Variants in SPOP observed in about 807,000 individuals in gnomAD.
SPOP encodes speckle-type POZ protein.
SPOP carries 11 observed loss-of-function variants against 45.6 expected under a neutral mutation model. The ratio of observed to expected loss-of-function variants is 0.24; its 90% CI spans 0.15 to 0.40. SPOP has a LOEUF of 0.40. Ranked by LOEUF, SPOP falls within the 10% of genes least tolerant of loss-of-function variation. The probability of loss-of-function intolerance (pLI) is 1.00; values close to 1 mark genes in which losing one functional copy is unlikely to be tolerated. For synonymous variants in SPOP, 166 were observed against 166.3 expected, an observed-to-expected ratio of 1.00 and a Z score of 0.01; for missense variants, 152 against 465.6, an observed-to-expected ratio of 0.33 and a Z score of 6.20.
intron 1 of SPOP, among the ~76,000 whole-genome samples, chr17:49,669,017 C>T (rs1237424024): frequency 6.6e-6 from 1 of 151,852 alleles, no homozygotes; most frequent in Non-Finnish European, 1.5e-5. Flanking sequence ...ACCTCGTGAT[C>T]CGCCCATCTC....
At chr17:49,618,689 T>C (rs2072143186) in intron 5 of SPOP, 1 of 467,130 alleles carries the variant, frequency 2.1e-6, no homozygotes, top group Admixed American at 3.2e-5. Flanking sequence ...TCAAATGCTA[T>C]CTGAAAAAAA....
intron 2 of SPOP, chr17:49,622,375 C>T (rs995612140): frequency 3.4e-5 from 18 of 533,014 alleles, no homozygotes; most frequent in Non-Finnish European, 5.6e-5. Context: ...ATGATAAAAC[C>T]GTACTTAAAA....
At chr17:49,622,688 A>G (rs781289280) in intron 2 of SPOP, 45 bp downstream of exon 2, 1 of 1,563,510 alleles carries the variant, frequency 6.4e-7, no homozygotes, top group Non-Finnish European at 8.8e-7. Context: ...CGTCCACCAA[A>G]TCCTCCCCAG....
intron 1 of SPOP, among the ~76,000 whole-genome samples, chr17:49,645,413 C>G (rs2072737821): frequency 6.6e-6 from 1 of 151,988 alleles, no homozygotes; most frequent in Non-Finnish European, 1.5e-5. Flanking sequence ...AATTCTCCTG[C>G]CTCAGCCTCC....
intron 1 of SPOP, among the ~76,000 whole-genome samples, chr17:49,642,951 G>A (rs1359170368): frequency 6.6e-6 from 1 of 152,204 alleles, no homozygotes; most frequent in African/African-American, 2.4e-5. Context: ...AGATCCAAAG[G>A]TTACTTTCCA....
chr17:49,643,132 T>C (rs2072690010), intron 1 of SPOP, among the ~76,000 whole-genome samples: 1 of 152,222 alleles, frequency 6.6e-6, no homozygotes, highest in Non-Finnish European at 1.5e-5. Context: ...TTAAAGATAG[T>C]TGATATATTC....
Position 49,649,793 on chromosome 17 carries a change from C to T in SPOP, c.-66-26917G>A, listed in dbSNP as rs183141118. Among the ~76,000 whole-genome samples the T allele has an allele frequency of 7.9e-5, 12 of 152,038 alleles. No homozygotes were observed. The East Asian group carries it at 2.3e-3, about 29-fold the overall frequency. On this transcript the variant is annotated intron_variant, in intron 1 of 9. Coordinates refer to ENST00000504102, the MANE Select transcript of SPOP (RefSeq NM_001007228.2). ...GCAGTGAGCCGACATTGAGCCACTG[C>T]ACTCCAGCCTGGGCGACAGAGAGAG...
chr17:49,622,674 C>T, intron 2 of SPOP, 59 bp downstream of exon 2: 1 of 1,476,198 alleles, frequency 6.8e-7, no homozygotes, highest in South Asian at 1.1e-5. Context: ...AATCCTACTC[C>T]TTTCGTCCAC....
chr17:49,674,294 T>C (rs963135553), intron 1 of SPOP, among the ~76,000 whole-genome samples: 1 of 152,222 alleles, frequency 6.6e-6, no homozygotes, highest in Non-Finnish European at 1.5e-5. Flanking sequence ...AGTTCTTCTT[T>C]AAATGTTTGG....
At chr17:49,610,265 C>A (rs1276998563) in intron 6 of SPOP, among the ~76,000 whole-genome samples, 1 of 151,526 alleles carries the variant, frequency 6.6e-6, no homozygotes, top group Non-Finnish European at 1.5e-5. Context: ...GTTGCCCAGG[C>A]TGGAGTGCAG....
rs1038251848 is a variant in SPOP at position 49,600,168 on chromosome 17, C to T, written c.*210G>A. 1.5e-5 allele frequency: 10 copies of T among 666,004 alleles called. No individual in the cohort carries two copies. Among genetic ancestry groups the T allele is most frequent in the South Asian group, 3.6e-5 (2 of 54,826 alleles). The allele number at this position is 666,004 out of a possible 1,614,324, so 41.3% of individuals were successfully genotyped here. On this transcript the variant is annotated 3_prime_UTR_variant, in exon 10 of 10. Coordinates refer to ENST00000504102, the MANE Select transcript of SPOP (RefSeq NM_001007228.2). This position sits in a 1 kb window ranked among gnomAD's most constrained non-coding sequence, Gnocchi z 4.2. ...AGCCAGGCCAAAGGGAACACAGTGACGCAGCAACAGGGTTTTCATTTCATT... is the reference window on the plus strand; with the variant it reads ...AGCCAGGCCAAAGGGAACACAGTGATGCAGCAACAGGGTTTTCATTTCATT...
In SPOP at chr17:49,603,580, T is replaced by C. The variant is rs191384571; in HGVS notation, c.838-1573A>G. ...TTGTTGTTTTTGGTCTAATTACACA[T>C]GTCCCCAGGAGACTGGAAAAGCTTA... On this transcript the variant is annotated intron_variant, in intron 8 of 9. Transcript: ENST00000504102. Among the ~76,000 whole-genome samples, 9 of 152,352 alleles carry C rather than the reference T, an allele frequency of 5.9e-5. No individual in the cohort carries two copies. The East Asian group carries it at 1.5e-3, about 26-fold the overall frequency.
At chr17:49,640,928 C>A (rs1004728541) in intron 1 of SPOP, among the ~76,000 whole-genome samples, 1 of 152,118 alleles carries the variant, frequency 6.6e-6, no homozygotes, top group Admixed American at 6.6e-5. Flanking sequence ...CTAAGACTTT[C>A]CTTGTCACCA....
At chr17:49,656,220 C>CA (rs1326788404) in intron 1 of SPOP, among the ~76,000 whole-genome samples, 2 of 152,130 alleles carry the variant, frequency 1.3e-5, no homozygotes, top group African/African-American at 4.8e-5. Context: ...ACAAAAGTTG[C>CA]AACTAGTCTA....
In SPOP at chr17:49,629,194, T is replaced by C. The variant is rs761867882; in HGVS notation, c.-66-6318A>G. On this transcript the variant is annotated intron_variant, in intron 1 of 9. Coordinates refer to ENST00000504102, the MANE Select transcript of SPOP (RefSeq NM_001007228.2). ...GAGGCAGAGGTTGCAGAGAGCCGAG[T>C]TGGTGCCACTGCACTCCAGCCTGCA... is the stretch of plus-strand genomic sequence containing the variant. 1.3e-4 allele frequency among the ~76,000 whole-genome samples: 19 copies of C among 151,910 alleles called. 1 individual carries two copies. Among genetic ancestry groups the C allele is most frequent in the Non-Finnish European group, 2.4e-4 (16 of 67,972 alleles).
At chr17:49,659,386 G>A (rs896118370) in intron 1 of SPOP, among the ~76,000 whole-genome samples, 2 of 152,080 alleles carry the variant, frequency 1.3e-5, no homozygotes, top group African/African-American at 2.4e-5. Context: ...CAGCTCCTCC[G>A]ACAGCTTCGT....
intron 6 of SPOP, among the ~76,000 whole-genome samples, chr17:49,609,158 C>G (rs2071915002): frequency 6.6e-6 from 1 of 152,132 alleles, no homozygotes; most frequent in Non-Finnish European, 1.5e-5. Context: ...ATCTGCACAC[C>G]TATGCCTCCC....
At chr17:49,610,926 T>C (rs1441585923) in intron 6 of SPOP, among the ~76,000 whole-genome samples, 6 of 152,170 alleles carry the variant, frequency 3.9e-5, no homozygotes, top group Non-Finnish European at 1.5e-5. Flanking sequence ...GTCCTGAGTA[T>C]AGAATCCTCT....
In SPOP at chr17:49,619,987, C is replaced by T. The variant is rs530292073; in HGVS notation, c.201-602G>A. On this transcript the variant is annotated intron_variant, in intron 3 of 9. Transcript: ENST00000504102. The surrounding 1 kb of genome is among the most constrained non-coding windows in gnomAD (Gnocchi z 4.9). ...CAGCCTGGCCAACGTGGTGAAACCC[C>T]GTCTCTACTAAAAATAAAAAATAAA... 9.2e-5 allele frequency among the ~76,000 whole-genome samples: 14 copies of T among 151,672 alleles called. No homozygotes were observed. Among genetic ancestry groups the T allele is most frequent in the South Asian group, 2.1e-4 (1 of 4,800 alleles).
Sources: allele counts gnomAD v4.1 joint callset (sites outside exome capture counted in the v4.1 genomes callset), GRCh38; gene constraint gnomAD v4.1.1; non-coding constraint Gnocchi (gnomAD v3.1); transcripts MANE v1.5; gene names NCBI Gene and HGNC (gene_info 2026-07-23, HGNC 2026-07-21).